The following ANK3 variants were observed in gnomAD, a reference collection of about 807,000 sequenced individuals.
ANK3 encodes the protein ankyrin-3.
In ANK3, 57 loss-of-function variants were observed where a neutral mutation model predicts 370.9. The observed-to-expected ratio is 0.15, with a 90% CI of 0.12 to 0.19. The LOEUF is 0.19. Ranked by LOEUF, ANK3 falls within the 10% of genes least tolerant of loss-of-function variation. The probability of loss-of-function intolerance (pLI) is 1.00; values close to 1 mark genes in which losing one functional copy is unlikely to be tolerated. For synonymous variants in ANK3, 1,929 were observed against 1,946.3 expected (o/e 0.99, Z 0.23); for missense variants, 4,439 against 5,302.1 (o/e 0.84, Z 5.06).
chr10:60,355,420 G>A (rs1056465586), intron 1 of ANK3, among the ~76,000 whole-genome samples: 2 of 151,782 alleles, frequency 1.3e-5, no homozygotes, highest in Admixed American at 6.6e-5. Flanking sequence ...CTGTTCCCTC[G>A]GGATCCTTTA....
rs192069468 is a variant in ANK3 at position 60,264,153 on chromosome 10, G to A, written c.514-133C>T. The A allele has an allele frequency of 1.1e-5, 7 of 666,628 alleles. No individual in the cohort carries two copies. The East Asian group carries it at 1.6e-4, about 16-fold the overall frequency. The allele number at this position is 666,628 out of a possible 1,614,324, so 41.3% of individuals were successfully genotyped here. ...GATTATTAAAACTAACAACATATTT[G>A]AATGGACAGAAATGTGAAAGATATT... is the stretch of plus-strand genomic sequence containing the variant. On this transcript the variant is annotated intron_variant, in intron 5 of 43. Transcript: ENST00000280772.
intron 1 of ANK3, among the ~76,000 whole-genome samples, chr10:60,367,789 C>G (rs1043334525): frequency 3.9e-5 from 6 of 152,218 alleles, no homozygotes; most frequent in African/African-American, 1.2e-4. Flanking sequence ...AAAAGGCGAG[C>G]TTTCTCTTTA....
At chr10:60,680,756 T>C (rs2079184832) in intron 1 of ANK3, among the ~76,000 whole-genome samples, 1 of 152,210 alleles carries the variant, frequency 6.6e-6, no homozygotes, top group African/African-American at 2.4e-5. Flanking sequence ...CAGGGTGCAG[T>C]GGTTAAGAAC....
intron 35 of ANK3, among the ~76,000 whole-genome samples, chr10:60,081,029 A>G (rs1450068020): frequency 6.6e-6 from 1 of 152,204 alleles, no homozygotes; most frequent in Non-Finnish European, 1.5e-5. Flanking sequence ...CATAAAGTGT[A>G]GATGAGGAGA....
intron 2 of ANK3, among the ~76,000 whole-genome samples, chr10:60,406,495 C>T (rs955164858): frequency 6.6e-6 from 1 of 152,208 alleles, no homozygotes; most frequent in Non-Finnish European, 1.5e-5. Flanking sequence ...AGATCCCTCA[C>T]ATGTGCACTT....
intron 2 of ANK3, among the ~76,000 whole-genome samples, chr10:60,434,590 G>C (rs1423360580): frequency 6.6e-6 from 1 of 152,152 alleles, no homozygotes; most frequent in Non-Finnish European, 1.5e-5. Context: ...ATCTTGAATG[G>C]AATTGTTAAC....
intron 2 of ANK3, among the ~76,000 whole-genome samples, chr10:60,569,626 G>A (rs1480711228): frequency 6.6e-6 from 1 of 152,084 alleles, no homozygotes; most frequent in African/African-American, 2.4e-5. Flanking sequence ...AAAATACTAT[G>A]CGCTAACAGA....
chr10:60,727,277 T>A (rs976279754), intron 1 of ANK3, among the ~76,000 whole-genome samples: 3 of 152,044 alleles, frequency 2.0e-5, no homozygotes, highest in Non-Finnish European at 2.9e-5. Context: ...TACTTAGCAA[T>A]AAAAAGGAAT....
intron 1 of ANK3, among the ~76,000 whole-genome samples, chr10:60,314,667 T>C (rs1347394141): frequency 1.3e-5 from 2 of 152,086 alleles, no homozygotes; most frequent in East Asian, 3.9e-4. Context: ...TGGGGAAAAT[T>C]TTATGCAGAA....
chr10:60,153,014 A>C (rs1198785810), intron 23 of ANK3, among the ~76,000 whole-genome samples: 1 of 152,234 alleles, frequency 6.6e-6, no homozygotes, highest in Non-Finnish European at 1.5e-5. Flanking sequence ...TATGTGTACC[A>C]GGAAACTTAT....
chr10:60,733,326 G>C, exon 1 of ANK3: 1 of 1,234,042 alleles, frequency 8.1e-7, no homozygotes, highest in Non-Finnish European at 1.0e-6. Context: ...CCATGTTGTG[G>C]GGCTGCTGCT....
At chr10:60,523,440 T>C in intron 2 of ANK3, among the ~76,000 whole-genome samples, 1 of 135,272 alleles carries the variant, frequency 7.4e-6, no homozygotes, top group Non-Finnish European at 1.5e-5. Context: ...CCTTCTTGTG[T>C]CCATGTGTTC....
chr10:60,239,738 G>T (rs993131809), intron 7 of ANK3, among the ~76,000 whole-genome samples: 1 of 151,890 alleles, frequency 6.6e-6, no homozygotes, highest in Non-Finnish European at 1.5e-5. Flanking sequence ...ATGGTCCAAA[G>T]TAAAGACAAA....
rs201362986 is a variant in ANK3, at chr10:60,072,898, C to G, written c.7983G>C (p.Lys2661Asn). ...QHGPDGQGFPKAEEKAPSLPS... is the reference protein window; with the variant it reads ...QHGPDGQGFPNAEEKAPSLPS... Reference sequence around the variant, plus strand: ...GCAGACTGGGTGCCTTCTCCTCGGCCTTGGGGAAGCCTTGTCCATCAGGGC... The same window carrying G: ...GCAGACTGGGTGCCTTCTCCTCGGCGTTGGGGAAGCCTTGTCCATCAGGGC... The change falls in exon 37 of 44, where the codon AAG (lysine) becomes AAC (asparagine). Residue 2661 changes from lysine to asparagine, a missense_variant. Coordinates refer to ENST00000280772, the MANE Select transcript of ANK3 (RefSeq NM_020987.5). 5.6e-5 allele frequency: 90 copies of G among 1,614,080 alleles called. No individual in the cohort carries two copies. Among genetic ancestry groups the G allele is most frequent in the Non-Finnish European group, 7.4e-5 (87 of 1,180,000 alleles).
At chr10:60,553,479 G>A (rs2077137416) in intron 2 of ANK3, among the ~76,000 whole-genome samples, 1 of 152,096 alleles carries the variant, frequency 6.6e-6, no homozygotes, top group Non-Finnish European at 1.5e-5. Context: ...AATACCTGCT[G>A]ATATGTACTA....
intron 2 of ANK3, among the ~76,000 whole-genome samples, chr10:60,581,530 T>C (rs1364011796): frequency 2.0e-5 from 3 of 151,434 alleles, no homozygotes; most frequent in Admixed American, 6.6e-5. Flanking sequence ...GTTCAAGTGA[T>C]TCTCCTGCCT....
chr10:60,700,609 G>A (rs1312857936), intron 1 of ANK3, among the ~76,000 whole-genome samples: 1 of 152,160 alleles, frequency 6.6e-6, no homozygotes, highest in Non-Finnish European at 1.5e-5. Context: ...GTCTGGTATT[G>A]AAACAATAAT....
chr10:60,220,795 G>A (rs1458472257), intron 8 of ANK3, among the ~76,000 whole-genome samples: 1 of 152,090 alleles, frequency 6.6e-6, no homozygotes, highest in Non-Finnish European at 1.5e-5. Flanking sequence ...TCTCCTAAGG[G>A]CTACATCACG....
intron 1 of ANK3, 84 bp from the exon 2 acceptor site, chr10:60,279,723 A>C: frequency 4.1e-6 from 4 of 983,874 alleles, no homozygotes; most frequent in Non-Finnish European, 6.2e-6. Flanking sequence ...GTCCAAACTA[A>C]AATAATTGAA....
Sources: gnomAD v4.1 joint callset for allele counts (sites outside exome capture counted in the v4.1 genomes callset) on GRCh38, gnomAD v4.1.1 for gene constraint, MANE v1.5 for transcripts, NCBI Gene and HGNC (gene_info 2026-07-23, HGNC 2026-07-21) for gene names.